CLMN: variants seen among roughly 807,000 people sequenced by gnomAD.
The protein encoded by CLMN is calmin (calponin-like, transmembrane).
CLMN carries 57 observed loss-of-function variants against 92.7 expected under a neutral mutation model. That is an observed-to-expected ratio of 0.61 (90% CI 0.50 to 0.77). CLMN has a LOEUF of 0.77. Ranked by LOEUF, CLMN falls within the 30% of genes least tolerant of loss-of-function variation. The pLI is 0.00. For synonymous variants in CLMN, 466 were observed against 470.6 expected (o/e 0.99, Z 0.13); for missense variants, 1,158 against 1,237.5 (o/e 0.94, Z 0.96).
At position 95,235,123 on chromosome 14, in the gene CLMN, A is replaced by T. The variant is rs571068254; in HGVS notation, c.83-4990T>A. On this transcript the variant is annotated intron_variant, in intron 1 of 12. Transcript: ENST00000298912. The stretch of plus-strand genomic sequence containing the variant: ...AACTCTCTCTCTTTCTCTCTCTCTC[A>T]CACACACACACACACAGAGCAAGCA... 3.2e-3 allele frequency among the ~76,000 whole-genome samples: 478 copies of T among 150,692 alleles called. 2 individuals carry two copies. The highest frequency in any genetic ancestry group is 6.7e-3 in the South Asian group (32 of 4,762).
chr14:95,278,876 G>T (rs1287079187), intron 1 of CLMN, among the ~76,000 whole-genome samples: 1 of 152,114 alleles, frequency 6.6e-6, no homozygotes, highest in East Asian at 1.9e-4. Flanking sequence ...ATAAAAATGG[G>T]GATCTGTTCT....
Position 95,203,917 on chromosome 14 carries a change from A to T in CLMN, c.1432T>A (p.Ser478Thr). 3 of 1,614,086 alleles carry T rather than the reference A, an allele frequency of 1.9e-6. No homozygotes were observed. Among genetic ancestry groups the T allele is most frequent in the Non-Finnish European group, 2.5e-6 (3 of 1,180,030 alleles). ...GAGGAGGATTCTGGAATCTTCGAGG[A>T]TTCCTGTTTCTGTTCCTTTTCCTCA... The part of the protein sequence containing the change: ...VAEEKEQKQE[S>T]SKIPESSSDK... Residue 478 changes from serine to threonine, a missense_variant, in exon 9 of 13, where the codon TCC becomes ACC. Transcript: ENST00000298912.
At chr14:95,219,037 C>T (rs1037601340) in intron 4 of CLMN, among the ~76,000 whole-genome samples, 16 of 152,184 alleles carry the variant, frequency 1.1e-4, no homozygotes, top group East Asian at 5.8e-4. Context: ...ACATACAGCA[C>T]GCTGTCCATG....
chr14:95,255,127 A>C (rs1898943322), intron 1 of CLMN, among the ~76,000 whole-genome samples: 1 of 152,188 alleles, frequency 6.6e-6, no homozygotes, highest in Non-Finnish European at 1.5e-5. Flanking sequence ...CCATGAGAGG[A>C]GGGGCAGGGG....
At chr14:95,264,727 T>C (rs951464205) in intron 1 of CLMN, among the ~76,000 whole-genome samples, 1 of 152,188 alleles carries the variant, frequency 6.6e-6, no homozygotes, top group Non-Finnish European at 1.5e-5. Context: ...TGGTCAAACA[T>C]TATTCTAGAT....
chr14:95,219,507 T>C (rs1357489545), intron 4 of CLMN, among the ~76,000 whole-genome samples: 2 of 152,242 alleles, frequency 1.3e-5, no homozygotes, highest in Non-Finnish European at 2.9e-5. Context: ...GCTTTCGGTC[T>C]GGCTGGTGCA....
Position 95,204,886 on chromosome 14 carries a change from C to A in CLMN, c.886-423G>T, listed in dbSNP as rs117862617. 1.8e-4 allele frequency among the ~76,000 whole-genome samples: 27 copies of A among 152,244 alleles called. No individual in the cohort carries two copies. In the East Asian group the frequency reaches 5.2e-3, roughly 29 times the overall value. Reference sequence around the variant, plus strand: ...TAATCCACCTGAGATAAGGAAAGATCAGCCAAATCTTTATTGATTGTGTGG... The same window carrying A: ...TAATCCACCTGAGATAAGGAAAGATAAGCCAAATCTTTATTGATTGTGTGG... On this transcript the variant is annotated intron_variant, in intron 8 of 12. Coordinates refer to ENST00000298912, the MANE Select transcript of CLMN (RefSeq NM_024734.4).
intron 1 of CLMN, chr14:95,260,586 C>T (rs143723613): frequency 6.6e-6 from 1 of 152,298 alleles, no homozygotes; most frequent in East Asian, 1.9e-4. Context: ...GTGATTTTGA[C>T]ACACAATAAC....
intron 1 of CLMN, among the ~76,000 whole-genome samples, chr14:95,237,690 C>G (rs572472954): frequency 4.6e-5 from 7 of 152,322 alleles, no homozygotes; most frequent in African/African-American, 1.7e-4. Context: ...GTCTCGGCAC[C>G]AGAGGACAGC....
intron 7 of CLMN, among the ~76,000 whole-genome samples, chr14:95,210,422 G>A (rs945066896): frequency 2.6e-5 from 4 of 151,916 alleles, no homozygotes; most frequent in Non-Finnish European, 1.5e-5. Flanking sequence ...ATACATTATA[G>A]AAGTATGTAA....
chr14:95,239,193 G>T (rs1273024098), intron 1 of CLMN, among the ~76,000 whole-genome samples: 1 of 152,140 alleles, frequency 6.6e-6, no homozygotes, highest in Non-Finnish European at 1.5e-5. Flanking sequence ...ATTGAGACAA[G>T]GATTGAAATA....
At chr14:95,246,623 C>T (rs1898582582) in intron 1 of CLMN, among the ~76,000 whole-genome samples, 1 of 152,210 alleles carries the variant, frequency 6.6e-6, no homozygotes, top group Admixed American at 6.5e-5. Context: ...CGCCCACCAC[C>T]ACGCCAGCTA....
chr14:95,287,033 G>A (rs1900370983), intron 1 of CLMN, among the ~76,000 whole-genome samples: 1 of 152,204 alleles, frequency 6.6e-6, no homozygotes, highest in Admixed American at 6.5e-5. Context: ...ATCCCCGCAA[G>A]GCTACCACAT....
chr14:95,216,535 A>C (rs774750110), intron 4 of CLMN, among the ~76,000 whole-genome samples: 26 of 152,220 alleles, frequency 1.7e-4, no homozygotes, highest in South Asian at 1.4e-3. Context: ...TGTCTGCTAC[A>C]TAAACACCAC....
intron 2 of CLMN, among the ~76,000 whole-genome samples, chr14:95,228,354 A>G (rs1897775826): frequency 6.6e-6 from 1 of 152,216 alleles, no homozygotes; most frequent in African/African-American, 2.4e-5. Context: ...AAATGTGCCA[A>G]TAATCAAAAC....
intron 1 of CLMN, among the ~76,000 whole-genome samples, chr14:95,315,442 G>A (rs909626417): frequency 1.3e-5 from 2 of 152,222 alleles, no homozygotes; most frequent in African/African-American, 2.4e-5. Flanking sequence ...TCGAGTGGCT[G>A]GGTGGTGGGT....
Position 95,299,826 on chromosome 14 carries a change from T to C in CLMN, c.82+19885A>G, listed in dbSNP as rs113453344. Among the ~76,000 whole-genome samples, 659 of 152,284 alleles carry C rather than the reference T, an allele frequency of 4.3e-3. 3 individuals carry two copies. Among genetic ancestry groups the C allele is most frequent in the Non-Finnish European group, 7.2e-3 (489 of 68,022 alleles). On this transcript the variant is annotated intron_variant, in intron 1 of 12. Coordinates refer to ENST00000298912, the MANE Select transcript of CLMN (RefSeq NM_024734.4). ...GGTTACCTTTCCTCCTCATTTTCAT[T>C]CTCGCCTTCCATTAGAACTAGCTCA...
At chr14:95,222,503 G>A (rs767017647) in intron 3 of CLMN, 2 of 452,376 alleles carry the variant, frequency 4.4e-6, no homozygotes, top group East Asian at 7.0e-5. Context: ...GCCAGGCCAC[G>A]CTCATGGGGA....
chr14:95,314,943 C>A (rs1240816923), intron 1 of CLMN, among the ~76,000 whole-genome samples: 1 of 152,158 alleles, frequency 6.6e-6, no homozygotes, highest in African/African-American at 2.4e-5. Context: ...TATATAGAAA[C>A]CTTCAGTGCA....
Sources: gnomAD v4.1 joint callset for allele counts (sites outside exome capture counted in the v4.1 genomes callset) on GRCh38, gnomAD v4.1.1 for gene constraint, MANE v1.5 for transcripts, NCBI Gene and HGNC (gene_info 2026-07-23, HGNC 2026-07-21) for gene names.